Variants in TBC1D4 observed in about 807,000 individuals in gnomAD.
TBC1D4 encodes the protein TBC1 domain family member 4, also known as TBC (Tre-2, BUB2, CDC16) domain-containing protein.
TBC1D4 carries 121 observed loss-of-function variants against 142.5 expected under a neutral mutation model. The observed-to-expected ratio is 0.85, with a 90% CI of 0.73 to 0.99. The LOEUF is 0.99. TBC1D4 is among the 50% of genes least tolerant of loss of function. The pLI is 0.00. For synonymous variants in TBC1D4, 630 were observed against 628.2 expected (o/e 1.00, Z -0.04); for missense variants, 1,475 against 1,606.6 (o/e 0.92, Z 1.40).
intron 1 of TBC1D4, among the ~76,000 whole-genome samples, chr13:75,397,559 T>C (rs1343190327): frequency 6.6e-6 from 1 of 152,188 alleles, no homozygotes; most frequent in East Asian, 1.9e-4. Flanking sequence ...GATAAGTCAG[T>C]CTACAAAGCT....
intron 4 of TBC1D4, among the ~76,000 whole-genome samples, chr13:75,350,245 C>T (rs956894288): frequency 6.6e-6 from 1 of 152,190 alleles, no homozygotes; most frequent in South Asian, 2.1e-4. Flanking sequence ...ATTTACCATG[C>T]TTGGTAAGCA....
chr13:75,294,743 G>T, intron 18 of TBC1D4, 111 bp downstream of exon 18: 1 of 1,138,974 alleles, frequency 8.8e-7, no homozygotes, highest in Non-Finnish European at 1.3e-6. Context: ...TTAGCAATTT[G>T]CTATTCTGTA....
chr13:75,466,941 A>G lies in TBC1D4; in HGVS notation c.498+14329T>C, dbSNP rs1294324449. ...AAATGTAAGCAGCCAAAAAACAATT[A>G]CAGGACATATATATGTCAGTTTCCA... is the stretch of plus-strand genomic sequence containing the variant. On this transcript the variant is annotated intron_variant, in intron 1 of 20. Coordinates refer to ENST00000377636, the MANE Select transcript of TBC1D4 (RefSeq NM_014832.5). 3.5e-4 allele frequency among the ~76,000 whole-genome samples: 53 copies of G among 152,176 alleles called. 2 individuals carry two copies.
At chr13:75,475,952 T>G (rs1228704568) in intron 1 of TBC1D4, among the ~76,000 whole-genome samples, 1 of 152,198 alleles carries the variant, frequency 6.6e-6, no homozygotes, top group Non-Finnish European at 1.5e-5. Context: ...AAAATTCATT[T>G]ATGTTTCTGG....
intron 9 of TBC1D4, 34 bp from the exon 10 acceptor site, chr13:75,326,457 C>T (rs752634749): frequency 8.1e-6 from 13 of 1,609,608 alleles, no homozygotes; most frequent in Non-Finnish European, 1.1e-5. Flanking sequence ...CCTTTATTTC[C>T]CACGTGGGTC....
chr13:75,312,597 G>T, intron 13 of TBC1D4, 141 bp downstream of exon 13: 1 of 1,139,622 alleles, frequency 8.8e-7, no homozygotes, highest in Non-Finnish European at 1.3e-6. Context: ...AATGATACCT[G>T]AAAGAGAAAC....
chr13:75,330,151 C>T (rs1186731278), intron 8 of TBC1D4, among the ~76,000 whole-genome samples: 1 of 152,132 alleles, frequency 6.6e-6, no homozygotes, highest in East Asian at 1.9e-4. Flanking sequence ...ACCTTGTTCT[C>T]CTATTTTCCA....
chr13:75,464,442 T>C (rs757550562), intron 1 of TBC1D4, among the ~76,000 whole-genome samples: 105 of 152,338 alleles, frequency 6.9e-4, no homozygotes, highest in Non-Finnish European at 6.3e-4. Flanking sequence ...AGCCCATCCC[T>C]TTGTTTCAGC....
At position 75,362,627 on chromosome 13, in the gene TBC1D4, C is replaced by A. The variant is rs1269350347; in HGVS notation, c.499-20G>T. The A allele has an allele frequency of 1.2e-6, 2 of 1,612,852 alleles. No individual in the cohort carries two copies. Among genetic ancestry groups the A allele is most frequent in the South Asian group, 2.2e-5 (2 of 91,042 alleles). ...AGGAACCTGGGGGAAAAAATTAAAA[C>A]CCTGATTCTAGTTGAAAGTTTTGAG... On this transcript the variant is annotated intron_variant, in intron 1 of 20. Coordinates refer to ENST00000377636, the MANE Select transcript of TBC1D4 (RefSeq NM_014832.5). The surrounding 1 kb of genome is among the most constrained non-coding windows in gnomAD (Gnocchi z 4.2).
chr13:75,406,880 G>A (rs1473696678), intron 1 of TBC1D4, among the ~76,000 whole-genome samples: 1 of 152,072 alleles, frequency 6.6e-6, no homozygotes, highest in Non-Finnish European at 1.5e-5. Context: ...CAGCACCTAA[G>A]GATTAATTAA....
chr13:75,429,663 C>T (rs767814952), intron 1 of TBC1D4, among the ~76,000 whole-genome samples: 19 of 151,796 alleles, frequency 1.3e-4, no homozygotes, highest in Non-Finnish European at 2.5e-4. Flanking sequence ...TTATTTAGAT[C>T]GAACCACTAC....
rs969343152 is a variant in TBC1D4, at chr13:75,348,954, A to AGAGAGAGTGTGTGTGT, written c.1408+215_1408+216insACACACACACTCTCTC. 4.3e-5 allele frequency among the ~76,000 whole-genome samples: 6 copies of AGAGAGAGTGTGTGTGT among 139,084 alleles called. No homozygotes were observed. In the South Asian group the frequency reaches 1.5e-3, roughly 34 times the overall value. 91.2% of individuals were successfully genotyped at this position (139,084 alleles called of 152,430 possible). On this transcript the variant is annotated intron_variant, in intron 5 of 20. Coordinates refer to ENST00000377636, the MANE Select transcript of TBC1D4 (RefSeq NM_014832.5). ...GGAGAGAGAGTAGAGAGAGAGAGAG[A>AGAGAGAGTGTGTGTGT]GTGTGTGTGTGTGTGTGTGTGTGTG...
Position 75,481,691 on chromosome 13 carries a change from G to A in TBC1D4, c.77C>T (p.Pro26Leu). 6.2e-7 allele frequency: 1 copy of A among 1,600,590 alleles called. No individual in the cohort carries two copies. Among genetic ancestry groups the A allele is most frequent in the Non-Finnish European group, 8.5e-7 (1 of 1,174,868 alleles). ...CTTATCGCTTGGCTTCCCGGGGCCGGGCTGAGCTGAGACGCCCGGCTCGGG... is the reference window on the plus strand; with the variant it reads ...CTTATCGCTTGGCTTCCCGGGGCCGAGCTGAGCTGAGACGCCCGGCTCGGG... The part of the protein sequence containing the change: ...LEPEPGVSAQ[P>L]GPGKPSDKRF... Residue 26 changes from proline to leucine, a missense_variant, in exon 1 of 21, where the codon CCC (proline) becomes CTC (leucine). Physicochemically the swap from Pro to Leu is moderately conservative, Grantham distance 98 (BLOSUM62 -3). Coordinates refer to ENST00000377636, the MANE Select transcript of TBC1D4 (RefSeq NM_014832.5).
chr13:75,481,578 T>C lies in TBC1D4; in HGVS notation c.190A>G (p.Arg64Gly). 1 of 1,603,238 alleles carries C rather than the reference T, an allele frequency of 6.2e-7. No homozygotes were observed. Among genetic ancestry groups the C allele is most frequent in the Non-Finnish European group, 8.5e-7 (1 of 1,175,310 alleles). The change falls in exon 1 of 21, where the codon AGG (arginine) becomes GGG (glycine). Residue 64 changes from arginine (R) to glycine (G), a missense_variant. Arg to Gly is a moderately radical substitution (Grantham distance 125, BLOSUM62 -2). Coordinates refer to ENST00000377636, the MANE Select transcript of TBC1D4 (RefSeq NM_014832.5). The stretch of plus-strand genomic sequence containing the variant: ...CCCGCCTCGGGCTTCTGGCTGCGCC[T>C]GCGGATCTCGGCCATGAGCCAGGGC... Reference protein sequence around the residue: ...MLPWLMAEIRRRSQKPEAGGC... With the variant: ...MLPWLMAEIRGRSQKPEAGGC...
chr13:75,395,418 G>A (rs181167699), intron 1 of TBC1D4, among the ~76,000 whole-genome samples: 75 of 152,236 alleles, frequency 4.9e-4, no homozygotes, highest in African/African-American at 1.7e-3. Context: ...TTCCTCCAAC[G>A]TTCTAATACC....
At chr13:75,433,743 C>T (rs184481710) in intron 1 of TBC1D4, among the ~76,000 whole-genome samples, 91 of 152,050 alleles carry the variant, frequency 6.0e-4, no homozygotes, top group African/African-American at 2.1e-3. Flanking sequence ...CCTATGAATG[C>T]GAAAAAATAT....
At chr13:75,379,249 TAC>T (rs1392687485) in intron 1 of TBC1D4, among the ~76,000 whole-genome samples, 1 of 151,798 alleles carries the variant, frequency 6.6e-6, no homozygotes, top group African/African-American at 2.4e-5. Context: ...TGAATTTTTA[TAC>T]ATACACACAT....
intron 2 of TBC1D4, among the ~76,000 whole-genome samples, chr13:75,360,813 T>G (rs1882440165): frequency 6.6e-6 from 1 of 152,216 alleles, no homozygotes; most frequent in Non-Finnish European, 1.5e-5. Context: ...TACGAGTGTT[T>G]ATGAAATCCT....
intron 1 of TBC1D4, among the ~76,000 whole-genome samples, chr13:75,454,959 G>A (rs924579573): frequency 1.3e-5 from 2 of 152,066 alleles, no homozygotes; most frequent in African/African-American, 4.8e-5. Context: ...AGTACTCTCT[G>A]GGAAAAATGT....
Sources: allele counts gnomAD v4.1 joint callset (sites outside exome capture counted in the v4.1 genomes callset), GRCh38; gene constraint gnomAD v4.1.1; non-coding constraint Gnocchi (gnomAD v3.1); transcripts MANE v1.5; gene names NCBI Gene and HGNC (gene_info 2026-07-23, HGNC 2026-07-21).